The following SNX29 variants were observed in gnomAD, a reference collection of about 807,000 sequenced individuals.
SNX29 encodes the protein sorting nexin-29.
Under a neutral mutation model 102.1 loss-of-function variants are expected in SNX29, and 78 were observed. The ratio of observed to expected loss-of-function variants is 0.76; its 90% CI spans 0.64 to 0.92. The LOEUF (loss-of-function observed/expected upper bound fraction) is 0.92, where lower values mean the gene tolerates loss of function less well. Ranked by LOEUF, SNX29 falls within the 40% of genes least tolerant of loss-of-function variation. The pLI is 0.00. For missense variants in SNX29, 1,280 were observed against 1,061.7 expected (o/e 1.21, Z -2.86); for synonymous variants, 580 against 414.5 (o/e 1.40, Z -4.85).
intron 20 of SNX29, among the ~76,000 whole-genome samples, chr16:12,529,700 C>T (rs758138959): frequency 3.9e-5 from 6 of 152,022 alleles, no homozygotes; most frequent in Non-Finnish European, 8.8e-5. Flanking sequence ...CTGCTGCATT[C>T]TCTCTTAGGG....
chr16:12,373,369 A>T (rs142634803), intron 16 of SNX29, among the ~76,000 whole-genome samples: 2,175 of 152,162 alleles, frequency 0.014, 150 homozygotes, highest in Admixed American at 0.11. Context: ...GGCTCAAGTG[A>T]TCCTCCTGCC....
At chr16:12,549,880 C>G (rs1182033736) in intron 20 of SNX29, among the ~76,000 whole-genome samples, 4 of 152,254 alleles carry the variant, frequency 2.6e-5, no homozygotes, top group African/African-American at 4.8e-5. Flanking sequence ...ATGGTTCAGA[C>G]TAGAACAGAG....
At position 12,570,323 on chromosome 16, in the gene SNX29, A is replaced by T; in HGVS notation, c.*1694A>T. 1 of 937,616 alleles carries T rather than the reference A, an allele frequency of 1.1e-6. No homozygotes were observed. The highest frequency in any genetic ancestry group is 1.3e-6 in the Non-Finnish European group (1 of 762,870). The allele number at this position is 937,616 out of a possible 1,614,324, so 58.1% of individuals were successfully genotyped here. ...AGGACCCGAGACATCCTGTAAAGGCAACTTGGTCTCCCTCCCACTCACCTG... is the reference window on the plus strand; with the variant it reads ...AGGACCCGAGACATCCTGTAAAGGCTACTTGGTCTCCCTCCCACTCACCTG... On this transcript the variant is annotated 3_prime_UTR_variant, in exon 21 of 21. Coordinates refer to ENST00000566228, the MANE Select transcript of SNX29 (RefSeq NM_032167.5).
At chr16:12,214,689 CG>C (rs1057101028) in intron 14 of SNX29, among the ~76,000 whole-genome samples, 2 of 151,788 alleles carry the variant, frequency 1.3e-5, no homozygotes, top group African/African-American at 4.9e-5. Context: ...TTTGCATTTC[CG>C]TAGAAATAGA....
chr16:12,013,233 A>C (rs995416883), intron 3 of SNX29, among the ~76,000 whole-genome samples: 3 of 151,714 alleles, frequency 2.0e-5, no homozygotes, highest in African/African-American at 7.3e-5. Flanking sequence ...GCAAACATAT[A>C]TTAGGAAAAT....
In SNX29 at chr16:12,131,061, G is replaced by A. The variant is rs940443591; in HGVS notation, c.1595+1303G>A. ...TCAAAGTGCAGCGCATTTGTAAGTC[G>A]GACAGGGACCATCAACTCGCCTGGC... On this transcript the variant is annotated intron_variant, in intron 13 of 20. Transcript: ENST00000566228. 4.6e-5 allele frequency among the ~76,000 whole-genome samples: 7 copies of A among 152,282 alleles called. No individual in the cohort carries two copies. The East Asian group carries it at 7.7e-4, about 17-fold the overall frequency.
chr16:12,435,010 A>G (rs558109753), intron 18 of SNX29, among the ~76,000 whole-genome samples: 2 of 152,010 alleles, frequency 1.3e-5, no homozygotes, highest in Admixed American at 6.5e-5. Flanking sequence ...CATGGGGAAG[A>G]GGCTGTGATC....
In SNX29 at chr16:12,570,226, CT is replaced by C. The variant is rs1472984612; in HGVS notation, c.*1598del. ...AAGGGGACCTGGGGCCAGATAAGCC[CT>C]GCCCCGGTGAGACCAAATGAGCTGG... On this transcript the variant is annotated 3_prime_UTR_variant, in exon 21 of 21. Transcript: ENST00000566228. 7.5e-6 allele frequency: 8 copies of C among 1,065,238 alleles called. No homozygotes were observed. The Middle Eastern group carries it at 1.2e-3, about 164-fold the overall frequency. 66.0% of individuals were successfully genotyped at this position (1,065,238 alleles called of 1,614,324 possible). A position where few individuals can be genotyped will look rare whatever the true frequency, so the allele number is the denominator to read the frequency against.
At chr16:12,104,736 C>G (rs1049168307) in intron 11 of SNX29, among the ~76,000 whole-genome samples, 4 of 152,198 alleles carry the variant, frequency 2.6e-5, no homozygotes, top group Non-Finnish European at 4.4e-5. Context: ...GTACCTGTCA[C>G]TGTGAATACT....
At chr16:12,344,660 G>A (rs16959258) in intron 15 of SNX29, among the ~76,000 whole-genome samples, 8,543 of 152,304 alleles carry the variant, frequency 0.056, 389 homozygotes, top group African/African-American at 0.12. Context: ...TGGGTCTGGC[G>A]TCCAATACAT....
chr16:12,067,407 G>A (rs1315230712), intron 9 of SNX29, among the ~76,000 whole-genome samples: 1 of 152,138 alleles, frequency 6.6e-6, no homozygotes, highest in Non-Finnish European at 1.5e-5. Flanking sequence ...GGAAGGCACC[G>A]AGGCGTGCTC....
rs143470811 is a variant in SNX29, at chr16:12,553,878, C to G, written c.2319-14628C>G. ...CTGGGATTTCAGATGGAGTCTCACTCTTTTGCCTAGGCTGGAGTGCAGTGG... is the reference window on the plus strand; with the variant it reads ...CTGGGATTTCAGATGGAGTCTCACTGTTTTGCCTAGGCTGGAGTGCAGTGG... On this transcript the variant is annotated intron_variant, in intron 20 of 20. Coordinates refer to ENST00000566228, the MANE Select transcript of SNX29 (RefSeq NM_032167.5). Among the ~76,000 whole-genome samples the G allele has an allele frequency of 6.6e-3, 1,008 of 151,936 alleles. 14 individuals are homozygous for G. Among genetic ancestry groups the G allele is most frequent in the African/African-American group, 0.023 (960 of 41,344 alleles).
chr16:12,345,316 C>A (rs995357460), intron 15 of SNX29, among the ~76,000 whole-genome samples: 2 of 152,190 alleles, frequency 1.3e-5, no homozygotes, highest in Non-Finnish European at 2.9e-5. Context: ...GGCAAGTGTT[C>A]TAGTCCCTGT....
intron 18 of SNX29, among the ~76,000 whole-genome samples, chr16:12,450,352 A>G (rs932494117): frequency 4.6e-5 from 7 of 152,216 alleles, no homozygotes; most frequent in Non-Finnish European, 1.0e-4. Flanking sequence ...GTTTGGGCAC[A>G]TTCTCAAACA....
At chr16:12,172,716 A>G (rs1450598972) in intron 13 of SNX29, among the ~76,000 whole-genome samples, 2 of 152,364 alleles carry the variant, frequency 1.3e-5, no homozygotes, top group South Asian at 2.1e-4. Context: ...CTTGACTTTT[A>G]TAATCCCTCG....
chr16:12,541,399 A>G (rs1469705100), intron 20 of SNX29, among the ~76,000 whole-genome samples: 1 of 152,154 alleles, frequency 6.6e-6, no homozygotes, highest in Admixed American at 6.5e-5. Flanking sequence ...GGCTCATTGT[A>G]CAGATAAAGA....
chr16:12,231,440 T>C (rs1054487925), intron 14 of SNX29, among the ~76,000 whole-genome samples: 1 of 152,240 alleles, frequency 6.6e-6, no homozygotes, highest in Non-Finnish European at 1.5e-5. Context: ...ATCATTATGT[T>C]GACTGCATTG....
chr16:12,122,432 G>C (rs376957111), intron 11 of SNX29, among the ~76,000 whole-genome samples: 50 of 152,162 alleles, frequency 3.3e-4, no homozygotes, highest in African/African-American at 1.1e-3. Context: ...CAGGCCCACG[G>C]ACTCCCACGA....
chr16:12,461,979 AT>A (rs1245353797), intron 18 of SNX29, among the ~76,000 whole-genome samples: 561 of 27,680 alleles, frequency 0.02, 3 homozygotes, highest in African/African-American at 0.033. Flanking sequence ...AAAAAAAAAA[AT>A]ATATATATAT....
Sources: allele counts gnomAD v4.1 joint callset (sites outside exome capture counted in the v4.1 genomes callset), GRCh38; gene constraint gnomAD v4.1.1; transcripts MANE v1.5; gene names NCBI Gene and HGNC (gene_info 2026-07-23, HGNC 2026-07-21).